The following GALNTL6 variants were observed in gnomAD, a reference collection of about 807,000 sequenced individuals.
GALNTL6 encodes polypeptide N-acetylgalactosaminyltransferase like 6, also known as polypeptide N-acetylgalactosaminyltransferase-like 6.
A neutral mutation model predicts 73.7 loss-of-function variants in GALNTL6; 46 were observed. That is an observed-to-expected ratio of 0.62 (90% CI 0.49 to 0.80). The LOEUF (loss-of-function observed/expected upper bound fraction) is 0.80, where lower values mean the gene tolerates loss of function less well. Among genes scored for constraint, GALNTL6 ranks in the 30% least tolerant of loss-of-function variants. The pLI is 0.00. For synonymous variants in GALNTL6, 259 were observed against 263.7 expected (o/e 0.98, Z 0.17); for missense variants, 604 against 755.0 (o/e 0.80, Z 2.34).
intron 3 of GALNTL6, among the ~76,000 whole-genome samples, chr4:172,283,398 A>G (rs1739131737): frequency 6.6e-6 from 1 of 152,170 alleles, no homozygotes; most frequent in Non-Finnish European, 1.5e-5. Context: ...TTCTTAGAAA[A>G]TAAGTAATAT....
intron 4 of GALNTL6, among the ~76,000 whole-genome samples, chr4:172,335,029 G>T (rs1741263175): frequency 6.7e-6 from 1 of 149,518 alleles, no homozygotes; most frequent in African/African-American, 2.5e-5. Context: ...CGCCCAGGCT[G>T]GAGTGCAGTG....
chr4:172,597,352 C>T (rs1442176161), intron 5 of GALNTL6, among the ~76,000 whole-genome samples: 2 of 152,144 alleles, frequency 1.3e-5, no homozygotes. Flanking sequence ...ATGATACTCT[C>T]ACTAATTAAA....
chr4:172,180,303 AT>A (rs1453673996), intron 2 of GALNTL6, among the ~76,000 whole-genome samples: 1 of 151,678 alleles, frequency 6.6e-6, no homozygotes, highest in East Asian at 1.9e-4. Flanking sequence ...GTTTGTTTTT[AT>A]CTTGTAAATT....
chr4:173,007,691 A>G (rs926018699), intron 10 of GALNTL6, among the ~76,000 whole-genome samples: 1 of 152,122 alleles, frequency 6.6e-6, no homozygotes, highest in Non-Finnish European at 1.5e-5. Context: ...CTGTAATCCC[A>G]GCTATTCAGG....
intron 2 of GALNTL6, among the ~76,000 whole-genome samples, chr4:172,206,805 G>GTTTGTTTGTTT (rs1554003003): frequency 3.8e-5 from 1 of 26,130 alleles, no homozygotes; most frequent in Non-Finnish European, 8.4e-5. Context: ...TTGTTTTTCT[G>GTTTGTTTGTTT]TTTTTTTTGT....
In GALNTL6 at chr4:172,458,315, A is replaced by G. The variant is rs180796316; in HGVS notation, c.553+109626A>G. The stretch of plus-strand genomic sequence containing the variant: ...TCAACATCACAATTAAAACTACTAG[A>G]GAAACAAGAGCAAACAAATTCAAAA... On this transcript the variant is annotated intron_variant, in intron 5 of 12. Transcript: ENST00000506823. 1.6e-3 allele frequency among the ~76,000 whole-genome samples: 247 copies of G among 151,804 alleles called. 1 individual carries two copies. The highest frequency in any genetic ancestry group is 5.7e-3 in the African/African-American group (236 of 41,402).
In GALNTL6 at chr4:172,787,492, A is replaced by G. The variant is rs532862753; in HGVS notation, c.554-21869A>G. 3.3e-5 allele frequency among the ~76,000 whole-genome samples: 5 copies of G among 152,340 alleles called. No homozygotes were observed. The South Asian group carries it at 1.0e-3, about 32-fold the overall frequency. On this transcript the variant is annotated intron_variant, in intron 5 of 12. Coordinates refer to ENST00000506823, the MANE Select transcript of GALNTL6 (RefSeq NM_001034845.3). ...TAGGCCCAAAATGCTAAAAGCTTTG[A>G]GAAAGCCTGGAATAAACCATCCCAA...
intron 5 of GALNTL6, among the ~76,000 whole-genome samples, chr4:172,761,480 A>T (rs1329102241): frequency 6.6e-6 from 1 of 152,134 alleles, no homozygotes; most frequent in Admixed American, 6.6e-5. Context: ...TATATGTTTG[A>T]TATAGTTTGG....
At chr4:172,029,985 T>A (rs149749897) in intron 2 of GALNTL6, among the ~76,000 whole-genome samples, 39 of 152,252 alleles carry the variant, frequency 2.6e-4, no homozygotes, top group African/African-American at 9.1e-4. Context: ...GTGTATGCTA[T>A]GTTTATGTGT....
intron 3 of GALNTL6, among the ~76,000 whole-genome samples, chr4:172,264,552 CCAAATATA>C (rs1738371574): frequency 3.2e-5 from 1 of 31,114 alleles, no homozygotes; most frequent in African/African-American, 1.0e-4. Context: ...ATAATATATG[CCAAATATA>C]TATATATATA....
chr4:171,817,096 T>A (rs10005491), intron 2 of GALNTL6, among the ~76,000 whole-genome samples: 7,310 of 152,020 alleles, frequency 0.048, 559 homozygotes, highest in African/African-American at 0.17. Context: ...CAGAACACAT[T>A]TACTACTATA....
At chr4:172,356,891 A>C (rs976347080) in intron 5 of GALNTL6, among the ~76,000 whole-genome samples, 2 of 152,134 alleles carry the variant, frequency 1.3e-5, no homozygotes, top group African/African-American at 4.8e-5. Context: ...CAGATGTTTT[A>C]TTCTGAGAAA....
intron 10 of GALNTL6, among the ~76,000 whole-genome samples, chr4:172,964,293 T>C (rs1440549988): frequency 6.6e-6 from 1 of 152,196 alleles, no homozygotes; most frequent in Non-Finnish European, 1.5e-5. Context: ...TGCTCCTTTA[T>C]AGTCTAAAAA....
At chr4:172,760,831 G>A (rs1002403243) in intron 5 of GALNTL6, among the ~76,000 whole-genome samples, 2 of 152,188 alleles carry the variant, frequency 1.3e-5, no homozygotes, top group South Asian at 2.1e-4. Context: ...TGCCTCGCTA[G>A]GGCCTTTCGT....
At chr4:172,601,419 G>A (rs953965798) in intron 5 of GALNTL6, among the ~76,000 whole-genome samples, 20 of 152,100 alleles carry the variant, frequency 1.3e-4, no homozygotes, top group African/African-American at 4.8e-4. Context: ...CCCTCCTGCT[G>A]CAGTAAGTGC....
intron 4 of GALNTL6, among the ~76,000 whole-genome samples, chr4:172,336,694 T>C (rs372388588): frequency 6.6e-6 from 1 of 152,350 alleles, no homozygotes; most frequent in East Asian, 1.9e-4. Context: ...ATGTTCTGCA[T>C]GCAGACGAGA....
At chr4:172,858,381 G>A (rs1413108364) in intron 7 of GALNTL6, among the ~76,000 whole-genome samples, 3 of 152,166 alleles carry the variant, frequency 2.0e-5, no homozygotes, top group Non-Finnish European at 4.4e-5. Context: ...ATAAAGCAAG[G>A]TAAGGGGACA....
At chr4:171,900,867 A>G (rs1024548174) in intron 2 of GALNTL6, among the ~76,000 whole-genome samples, 1 of 146,162 alleles carries the variant, frequency 6.8e-6, no homozygotes, top group African/African-American at 2.6e-5. Context: ...CATCAAAAAC[A>G]GACTAATAAC....
rs996613540 is a variant in GALNTL6, at chr4:171,813,486, G to T, written c.-674G>T. 1.3e-5 allele frequency: 2 copies of T among 152,368 alleles called. No individual in the cohort carries two copies. Among genetic ancestry groups the T allele is most frequent in the African/African-American group, 4.8e-5 (2 of 41,456 alleles). The allele number at this position is 152,368 out of a possible 1,614,324, so 9.4% of individuals were successfully genotyped here. A position where few individuals can be genotyped will look rare whatever the true frequency, so the allele number is the denominator to read the frequency against. ...CCGTGTGCAGCCGCGGCGCATCTCC[G>T]CCTTCCGCTCCTCCTCGCAGCGCCC... On this transcript the variant is annotated 5_prime_UTR_variant, in exon 1 of 13. Coordinates refer to ENST00000506823, the MANE Select transcript of GALNTL6 (RefSeq NM_001034845.3). The surrounding 1 kb of genome is among the most constrained non-coding windows in gnomAD (Gnocchi z 5.2).
Sources: gnomAD v4.1 joint callset for allele counts (sites outside exome capture counted in the v4.1 genomes callset) on GRCh38, gnomAD v4.1.1 for gene constraint, Gnocchi (gnomAD v3.1) non-coding constraint, MANE v1.5 for transcripts, NCBI Gene and HGNC (gene_info 2026-07-23, HGNC 2026-07-21) for gene names.